The following TMPRSS9 variants were observed in gnomAD, a reference collection of about 807,000 sequenced individuals.
TMPRSS9 encodes transmembrane protease serine 9.
In TMPRSS9, 113 loss-of-function variants were observed where a neutral mutation model predicts 111.4. The observed-to-expected ratio is 1.01, with a 90% CI of 0.87 to 1.19. TMPRSS9 has a LOEUF of 1.19. Ranked by LOEUF, TMPRSS9 falls within the 50% of genes most tolerant of loss-of-function variation. TMPRSS9 has a pLI of 0.00. For missense variants in TMPRSS9, 1,803 were observed against 1,513.1 expected (o/e 1.19, Z -3.18); for synonymous variants, 805 against 659.1 (o/e 1.22, Z -3.39).
intron 1 of TMPRSS9, among the ~76,000 whole-genome samples, chr19:2,394,494 T>C (rs1249602404): frequency 6.6e-6 from 1 of 152,182 alleles, no homozygotes; most frequent in Non-Finnish European, 1.5e-5. Context: ...CGTTCTGAAC[T>C]ATTTCTGCAA....
chr19:2,414,130 G>A (rs991117016), intron 10 of TMPRSS9, 112 bp downstream of exon 11: 2 of 1,133,064 alleles, frequency 1.8e-6, no homozygotes, highest in Non-Finnish European at 2.4e-6. Flanking sequence ...TCAAGGAAAG[G>A]TCACATGTGT....
At chr19:2,412,749 CCTGT>C (rs1364090917) in intron 9 of TMPRSS9, among the ~76,000 whole-genome samples, 6 of 152,124 alleles carry the variant, frequency 3.9e-5, no homozygotes, top group East Asian at 1.9e-4. Context: ...GCTGTGGATT[CCTGT>C]CTTTCTTGTG....
In TMPRSS9 at chr19:2,370,274, A is replaced by C. The variant is rs1970278079; in HGVS notation, c.-26+9914A>C. ...CTCTACTAAAAATAACAAAAAAATTAGCCAGGCACAGTGGCGGGAGCCTGT... is the reference window on the plus strand; with the variant it reads ...CTCTACTAAAAATAACAAAAAAATTCGCCAGGCACAGTGGCGGGAGCCTGT... On this transcript the variant is annotated intron_variant, in intron 1 of 17. Transcript: ENST00000649857. 3.9e-5 allele frequency among the ~76,000 whole-genome samples: 6 copies of C among 151,910 alleles called. 1 individual carries two copies. In the South Asian group the frequency reaches 1.2e-3, roughly 32 times the overall value.
chr19:2,416,365 C>T (rs1028025295), intron 11 of TMPRSS9, 173 bp from the exon 13 acceptor site: 9 of 822,868 alleles, frequency 1.1e-5, no homozygotes, highest in Non-Finnish European at 1.6e-5. Context: ...TCAGGAGGAG[C>T]CCAGCAGCCC....
chr19:2,410,560 A>G (rs1971074682), intron 9 of TMPRSS9, among the ~76,000 whole-genome samples, 166 bp downstream of exon 10: 1 of 152,144 alleles, frequency 6.6e-6, no homozygotes. Context: ...CGATTCACAG[A>G]TATCTGGATG....
upstream of TMPRSS9, among the ~76,000 whole-genome samples, chr19:2,388,600 T>C (rs2145277732): frequency 6.6e-6 from 1 of 152,246 alleles, no homozygotes; most frequent in South Asian, 2.1e-4. Context: ...CTTTCAGAAC[T>C]GTGAGATAAT....
At chr19:2,368,699 T>C (rs903302963) in intron 1 of TMPRSS9, among the ~76,000 whole-genome samples, 1 of 150,958 alleles carries the variant, frequency 6.6e-6, no homozygotes, top group Admixed American at 6.6e-5. Flanking sequence ...ATTCTAGAGC[T>C]ACCCTGCAGA....
chr19:2,417,466 CAAAAA>C (rs61320761), intron 12 of TMPRSS9, among the ~76,000 whole-genome samples: 1 of 106,984 alleles, frequency 9.3e-6, no homozygotes, highest in African/African-American at 3.5e-5. Flanking sequence ...ACTCCCATCT[CAAAAA>C]AAAAAAAAAA....
At position 2,425,246 on chromosome 19, in the gene TMPRSS9, TG is replaced by T; in HGVS notation, c.2966del (p.Gly989AlafsTer70). The stretch of plus-strand genomic sequence containing the variant: ...CGGCACGCGCTGCGTCATCACCGGC[TG>T]GGGCTCGGTGCGCGAAGGAGGTAGG... On this transcript the variant is annotated frameshift_variant, in exon 16 of 18. Transcript: ENST00000648592. LOFTEE classifies it high-confidence loss of function. 1 of 1,397,954 alleles carries T rather than the reference TG, an allele frequency of 7.2e-7. No individual in the cohort carries two copies. The highest frequency in any genetic ancestry group is 9.3e-7 in the Non-Finnish European group (1 of 1,081,038). 86.6% of individuals were successfully genotyped at this position (1,397,954 alleles called of 1,614,324 possible).
rs532019554 is a variant in TMPRSS9, at chr19:2,383,996, C to A, written c.-25-5765C>A. 2.6e-5 allele frequency among the ~76,000 whole-genome samples: 4 copies of A among 152,108 alleles called. No homozygotes were observed. The South Asian group carries it at 8.3e-4, about 32-fold the overall frequency. On this transcript the variant is annotated intron_variant, in intron 1 of 17. Coordinates refer to the TMPRSS9 transcript ENST00000649857. Reference sequence around the variant, plus strand: ...TGAAACTCAAGCTCCATGCGGTGTTCTGTATCTTATCTGCCCACCGAGGCC... The same window carrying A: ...TGAAACTCAAGCTCCATGCGGTGTTATGTATCTTATCTGCCCACCGAGGCC...
chr19:2,390,317 A>G (rs937913235), intron 1 of TMPRSS9, among the ~76,000 whole-genome samples: 2 of 128,456 alleles, frequency 1.6e-5, no homozygotes, highest in South Asian at 2.4e-4. Context: ...ATCTCGGCTC[A>G]CTGCAAGCTC....
chr19:2,374,461 C>G (rs1223445504), intron 1 of TMPRSS9, among the ~76,000 whole-genome samples: 2 of 151,484 alleles, frequency 1.3e-5, no homozygotes, highest in South Asian at 4.2e-4. Flanking sequence ...GTAGTCCCAG[C>G]TACTTGGGAG....
At chr19:2,381,823 T>TATTCATTCATTC (rs111934318) in intron 1 of TMPRSS9, among the ~76,000 whole-genome samples, 158 of 129,798 alleles carry the variant, frequency 1.2e-3, no homozygotes, top group African/African-American at 4.6e-3. Context: ...TTCAGATATG[T>TATTCATTCATTC]ATTCATTCAT....
rs188281383 is a variant in TMPRSS9, at chr19:2,380,518, T to C, written c.-25-9243T>C. On this transcript the variant is annotated intron_variant, in intron 1 of 17. Transcript: ENST00000649857. Reference sequence around the variant, plus strand: ...GGGGAAGCTGAGGCAGTAGAATCACTTGAACCTGAGAGGCAGAGGTTGCAG... The same window carrying C: ...GGGGAAGCTGAGGCAGTAGAATCACCTGAACCTGAGAGGCAGAGGTTGCAG... Among the ~76,000 whole-genome samples the C allele has an allele frequency of 7.1e-4, 105 of 148,644 alleles. 1 individual carries two copies. Among genetic ancestry groups the C allele is most frequent in the African/African-American group, 2.4e-3 (95 of 40,158 alleles).
At chr19:2,363,808 G>GCACA (rs1491395955) in intron 1 of TMPRSS9, among the ~76,000 whole-genome samples, 4 of 116,064 alleles carry the variant, frequency 3.4e-5, no homozygotes, top group African/African-American at 1.6e-4. Flanking sequence ...GTGTGTGCGT[G>GCACA]CGCGCGTGTG....
chr19:2,402,719 CAA>C (rs1224554798), intron 5 of TMPRSS9, among the ~76,000 whole-genome samples: 10 of 152,006 alleles, frequency 6.6e-5, no homozygotes, highest in Middle Eastern at 3.4e-3. Flanking sequence ...GGCTGGGCAA[CAA>C]GAGTGAAACT....
At chr19:2,384,127 T>C (rs1450748593) in intron 1 of TMPRSS9, among the ~76,000 whole-genome samples, 2 of 152,182 alleles carry the variant, frequency 1.3e-5, no homozygotes, top group African/African-American at 4.8e-5. Flanking sequence ...CAGAATGGCA[T>C]TGTTCCCCCA....
intron 10 of TMPRSS9, among the ~76,000 whole-genome samples, chr19:2,414,939 C>CTTTTTTTTTTTTTT (rs1474701467): frequency 7.1e-6 from 1 of 141,456 alleles, no homozygotes. Context: ...AGTTGCATTC[C>CTTTTTTTTTTTTTT]TATTTTTTTT....
At chr19:2,419,760 G>A (rs1038770937) in intron 13 of TMPRSS9, among the ~76,000 whole-genome samples, 2 of 151,880 alleles carry the variant, frequency 1.3e-5, no homozygotes, top group African/African-American at 4.8e-5. Flanking sequence ...CAGGTGATCC[G>A]CCCGCCTCAG....
Sources: gnomAD v4.1 joint callset for allele counts (sites outside exome capture counted in the v4.1 genomes callset) on GRCh38, gnomAD v4.1.1 for gene constraint, MANE v1.5 for transcripts, NCBI Gene and HGNC (gene_info 2026-07-23, HGNC 2026-07-21) for gene names.